Variants in BTBD2 observed in about 807,000 individuals in gnomAD.
The protein encoded by BTBD2 is BTB/POZ domain-containing protein 2.
A neutral mutation model predicts 44.0 loss-of-function variants in BTBD2; 15 were observed. That is an observed-to-expected ratio of 0.34 (90% CI 0.23 to 0.53). The LOEUF is 0.53. Among genes scored for constraint, BTBD2 ranks in the 20% least tolerant of loss-of-function variants. The probability of loss-of-function intolerance (pLI) is 0.95; values close to 1 mark genes in which losing one functional copy is unlikely to be tolerated. For missense variants in BTBD2, 657 were observed against 746.4 expected, an observed-to-expected ratio of 0.88 and a Z score of 1.39; for synonymous variants, 443 against 335.9, an observed-to-expected ratio of 1.32 and a Z score of -3.49.
chr19:2,011,503 C>T (rs1412186426), intron 1 of BTBD2, among the ~76,000 whole-genome samples: 1 of 152,158 alleles, frequency 6.6e-6, no homozygotes, highest in East Asian at 1.9e-4. Context: ...GCCTTCCATC[C>T]CTGAGCCTGG....
chr19:2,006,661 TC>T (rs2016398624), intron 1 of BTBD2, among the ~76,000 whole-genome samples: 1 of 151,972 alleles, frequency 6.6e-6, no homozygotes, highest in Non-Finnish European at 1.5e-5. Context: ...TTAGAGTGAA[TC>T]TGGCCCACCA....
chr19:1,987,772 C>T lies in BTBD2; in HGVS notation c.989-80G>A, dbSNP rs554819184. ...TGCCTGGGAGGACACGCTCCTTCCC[C>T]CTAAGATGTCTGCGTCGGACTTTCA... On this transcript the variant is annotated intron_variant, in intron 5 of 8. Coordinates refer to ENST00000255608, the MANE Select transcript of BTBD2 (RefSeq NM_017797.4). 4.1e-5 allele frequency: 56 copies of T among 1,367,084 alleles called. 1 individual carries two copies. The South Asian group carries it at 6.9e-4, about 17-fold the overall frequency. The allele number at this position is 1,367,084 out of a possible 1,614,324, so 84.7% of individuals were successfully genotyped here.
intron 5 of BTBD2, chr19:1,989,371 C>CAA: frequency 6.4e-6 from 1 of 155,530 alleles, no homozygotes; most frequent in African/African-American, 2.4e-5. Context: ...GCCTGGGCGA[C>CAA]AGAGACCCTC....
At position 1,987,707 on chromosome 19, in the gene BTBD2, G is replaced by C; in HGVS notation, c.989-15C>G. 6.4e-7 allele frequency: 1 copy of C among 1,574,114 alleles called. No homozygotes were observed. Among genetic ancestry groups the C allele is most frequent in the Non-Finnish European group, 8.6e-7 (1 of 1,156,478 alleles). On this transcript the variant is annotated splice_polypyrimidine_tract_variant and intron_variant, in intron 5 of 8. Coordinates refer to ENST00000255608, the MANE Select transcript of BTBD2 (RefSeq NM_017797.4). ...CTGTGCGGGACCTGCAGCACAGGGA[G>C]GGTGTGGGGGAGGGCCGGGCTGCAC... is the stretch of plus-strand genomic sequence containing the variant.
In BTBD2 at chr19:2,015,686, G is replaced by T. The variant is rs1335302902; in HGVS notation, c.18C>A (p.Ser6Arg). ...CCGGCGGGCACGACGCACGCCCGCCGCTCCCACCCGCCGCCATTTTGTGGC... is the reference window on the plus strand; with the variant it reads ...CCGGCGGGCACGACGCACGCCCGCCTCTCCCACCCGCCGCCATTTTGTGGC... MAAGG[S>R]GGRASCPPGV... Residue 6 changes from serine to arginine, a missense_variant, in exon 1 of 9, where the codon AGC becomes AGA. By Grantham distance (110) the Ser-to-Arg change is moderately radical. Around this residue, in one of 3 missense-constraint regions of BTBD2, gnomAD observed 191 missense variants for 188.5 expected, o/e 1.01. Coordinates refer to ENST00000255608, the MANE Select transcript of BTBD2 (RefSeq NM_017797.4). The T allele has an allele frequency of 1.0e-6, 1 of 981,750 alleles. No homozygotes were observed. The highest frequency in any genetic ancestry group is 1.2e-6 in the Non-Finnish European group (1 of 832,152). 60.8% of individuals were successfully genotyped at this position (981,750 alleles called of 1,614,324 possible). A position where few individuals can be genotyped will look rare whatever the true frequency, so the allele number is the denominator to read the frequency against.
At position 1,987,652 on chromosome 19, in the gene BTBD2, G is replaced by A. The variant is rs370605487; in HGVS notation, c.1029C>T (p.Val343=). 2.8e-5 allele frequency: 45 copies of A among 1,611,084 alleles called. No homozygotes were observed. The highest frequency in any genetic ancestry group is 3.7e-5 in the Non-Finnish European group (44 of 1,178,970). ...QSGILVDREV[V]SLFLHFTVNP... ...TGACGGTGAAGTGCAGGAAGAGGCTGACCACCTCGCGGTCCACCAGGATGC... is the reference window on the plus strand; with the variant it reads ...TGACGGTGAAGTGCAGGAAGAGGCTAACCACCTCGCGGTCCACCAGGATGC... Residue 343 remains valine, a synonymous_variant, in exon 6 of 9, where the codon GTC becomes GTT. Coordinates refer to ENST00000255608, the MANE Select transcript of BTBD2 (RefSeq NM_017797.4).
At chr19:2,005,574 G>A (rs957545716) in intron 1 of BTBD2, among the ~76,000 whole-genome samples, 1 of 151,736 alleles carries the variant, frequency 6.6e-6, no homozygotes, top group Non-Finnish European at 1.5e-5. Flanking sequence ...CTGAGGTCAG[G>A]AGTTCGAGAC....
At chr19:1,993,676 A>G (rs996195742) in intron 2 of BTBD2, among the ~76,000 whole-genome samples, 1 of 152,096 alleles carries the variant, frequency 6.6e-6, no homozygotes, top group Non-Finnish European at 1.5e-5. Flanking sequence ...GACACTGAAT[A>G]CAGATCAGAA....
chr19:1,993,127 T>C lies in BTBD2; in HGVS notation c.577A>G (p.Thr193Ala). 1 of 1,607,872 alleles carries C rather than the reference T, an allele frequency of 6.2e-7. No individual in the cohort carries two copies. The highest frequency in any genetic ancestry group is 8.5e-7 in the Non-Finnish European group (1 of 1,179,776). ...GCGTACTTCTTGGCGGTGTATAGCG[T>C]GGTCATCACCGTCTCCGGGCCAATC... ...VQIGPETVMTTLYTAKKYAVP... is the reference protein window; with the variant it reads ...VQIGPETVMTALYTAKKYAVP... The change falls in exon 3 of 9, where the codon ACG becomes GCG. Residue 193 changes from threonine to alanine, a missense_variant. Coordinates refer to ENST00000255608, the MANE Select transcript of BTBD2 (RefSeq NM_017797.4).
chr19:1,990,394 G>C lies in BTBD2; in HGVS notation c.791-193C>G, dbSNP rs189937420. ...AAGACCACGCCCCTTCATTTTCCTC[G>C]GCTGTGGTTGTTTTTAAGCCACAAG... is the stretch of plus-strand genomic sequence containing the variant. On this transcript the variant is annotated intron_variant, in intron 4 of 8. Coordinates refer to ENST00000255608, the MANE Select transcript of BTBD2 (RefSeq NM_017797.4). 1.4e-5 allele frequency: 9 copies of C among 663,032 alleles called. No individual in the cohort carries two copies. The East Asian group carries it at 2.5e-4, about 18-fold the overall frequency. The allele number at this position is 663,032 out of a possible 1,614,324, so 41.1% of individuals were successfully genotyped here.
chr19:2,015,358 G>T lies in BTBD2; in HGVS notation c.346C>A (p.Leu116Met). ...RFAFLFNNEVLCDVHFLVGKG... is the reference protein window; with the variant it reads ...RFAFLFNNEVMCDVHFLVGKG... ...CCCACCAGGAAGTGCACGTCGCACA[G>T]CACCTCGTTGTTGAAGAGGAAGGCG... The change falls in exon 1 of 9, where the codon CTG (leucine) becomes ATG (methionine). Residue 116 changes from leucine to methionine, a missense_variant. This residue lies in a region of BTBD2 where 191 missense variants were observed against 188.5 expected (regional missense o/e 1.01). Transcript: ENST00000255608. 6.3e-7 allele frequency: 1 copy of T among 1,585,434 alleles called. No individual in the cohort carries two copies. The highest frequency in any genetic ancestry group is 8.5e-7 in the Non-Finnish European group (1 of 1,173,134).
chr19:1,997,281 A>G (rs781526303), intron 2 of BTBD2, 63 bp downstream of exon 2: 25 of 1,607,628 alleles, frequency 1.6e-5, no homozygotes, highest in Non-Finnish European at 2.1e-5. Context: ...GACAGGGTCT[A>G]CGTTCTCTGA....
At chr19:2,008,756 TAA>T (rs1016048620) in intron 1 of BTBD2, among the ~76,000 whole-genome samples, 5 of 151,466 alleles carry the variant, frequency 3.3e-5, no homozygotes, top group African/African-American at 1.2e-4. Flanking sequence ...CATGTCCAAG[TAA>T]TGAGGTCTCG....
Position 1,994,536 on chromosome 19 carries a change from G to A in BTBD2, c.528-1360C>T, listed in dbSNP as rs148665170. Among the ~76,000 whole-genome samples the A allele has an allele frequency of 1.9e-3, 293 of 152,016 alleles. 1 individual carries two copies. Among genetic ancestry groups the A allele is most frequent in the African/African-American group, 6.6e-3 (275 of 41,488 alleles). ...AGCACTTTGGGAGGCTGAGGCAGGC[G>A]GATCATGAGATCAGGAGATCGAGAC... On this transcript the variant is annotated intron_variant, in intron 2 of 8. Transcript: ENST00000255608.
At chr19:1,988,919 T>C (rs1397267839) in intron 5 of BTBD2, among the ~76,000 whole-genome samples, 1 of 151,602 alleles carries the variant, frequency 6.6e-6, no homozygotes, top group East Asian at 1.9e-4. Flanking sequence ...ATTGTATATA[T>C]TTTTTTATTT....
intron 1 of BTBD2, among the ~76,000 whole-genome samples, chr19:2,000,506 G>C: frequency 6.6e-6 from 1 of 152,188 alleles, no homozygotes; most frequent in South Asian, 2.1e-4. Context: ...CCTCTGACAT[G>C]GGCGGGTCCC....
In BTBD2 at chr19:1,987,642, G is replaced by A; in HGVS notation, c.1039C>T (p.Leu347=). ...LVDREVVSLF[L]HFTVNPKPRV... ...GGCTTGGGGTTGACGGTGAAGTGCA[G>A]GAAGAGGCTGACCACCTCGCGGTCC... The change falls in exon 6 of 9, where the codon CTG becomes TTG. Residue 347 remains leucine (L), a synonymous_variant. Coordinates refer to ENST00000255608, the MANE Select transcript of BTBD2 (RefSeq NM_017797.4). 1.2e-6 allele frequency: 2 copies of A among 1,612,088 alleles called. No homozygotes were observed. The highest frequency in any genetic ancestry group is 1.1e-5 in the South Asian group (1 of 90,908).
At chr19:1,990,323 A>C (rs2016157139) in intron 4 of BTBD2, 122 bp from the exon 5 acceptor site, 2 of 1,052,528 alleles carry the variant, frequency 1.9e-6, no homozygotes, top group South Asian at 3.0e-5. Context: ...CCCGTGGCCC[A>C]AATCTGGCCC....
intron 1 of BTBD2, among the ~76,000 whole-genome samples, chr19:2,009,574 C>T (rs2016437797): frequency 6.6e-6 from 1 of 150,740 alleles, no homozygotes; most frequent in Non-Finnish European, 1.5e-5. Context: ...TTAGGCTGGG[C>T]GCGGTGGCTC....
Sources: gnomAD v4.1 joint callset for allele counts (sites outside exome capture counted in the v4.1 genomes callset) on GRCh38, gnomAD v4.1.1 for gene constraint, gnomAD v4.1.1 regional missense constraint, MANE v1.5 for transcripts, NCBI Gene and HGNC (gene_info 2026-07-23, HGNC 2026-07-21) for gene names.